Variants in BCAS3 observed in about 807,000 individuals in gnomAD.
BCAS3 encodes BCAS3 microtubule associated cell migration factor.
A neutral mutation model predicts 116.1 loss-of-function variants in BCAS3; 53 were observed. That is an observed-to-expected ratio of 0.46 (90% confidence interval 0.37 to 0.57). The LOEUF (loss-of-function observed/expected upper bound fraction) is 0.57, where lower values mean the gene tolerates loss of function less well. Ranked by LOEUF, BCAS3 falls within the 20% of genes least tolerant of loss-of-function variation. The pLI is 0.00. For synonymous variants in BCAS3, 391 were observed against 408.2 expected, an observed-to-expected ratio of 0.96 and a Z score of 0.51; for missense variants, 917 against 1,165.4, an observed-to-expected ratio of 0.79 and a Z score of 3.10.
chr17:61,222,743 C>CTGCG lies in BCAS3; in HGVS notation c.2425+138180_2425+138183dup, dbSNP rs2082176412. ...TTGGTCAAGGTGGGCCATGGCCACT[C>CTGCG]TGCGACTCCAGGTCGATTCGTCTGC... On this transcript the variant is annotated intron_variant, in intron 22 of 23. Transcript: ENST00000407086. This position sits in a 1 kb window ranked among gnomAD's most constrained non-coding sequence, Gnocchi z 6.1. Among the ~76,000 whole-genome samples the CTGCG allele has an allele frequency of 6.6e-6, 1 of 152,164 alleles. No homozygotes were observed. The highest frequency in any genetic ancestry group is 1.5e-5 in the Non-Finnish European group (1 of 68,036).
chr17:61,210,042 T>G (rs2081364608), intron 22 of BCAS3, among the ~76,000 whole-genome samples: 2 of 152,206 alleles, frequency 1.3e-5, no homozygotes, highest in South Asian at 4.1e-4. Context: ...TGTGGTCCAG[T>G]CTTCAGCCCA....
chr17:61,135,176 T>C (rs1298643120), intron 22 of BCAS3, among the ~76,000 whole-genome samples: 1 of 152,198 alleles, frequency 6.6e-6, no homozygotes, highest in Non-Finnish European at 1.5e-5. Context: ...TGATTATAAA[T>C]GGTACAGACT....
chr17:61,094,858 C>T (rs1389475308), intron 22 of BCAS3, among the ~76,000 whole-genome samples: 1 of 152,016 alleles, frequency 6.6e-6, no homozygotes, highest in African/African-American at 2.4e-5. Context: ...AAAAAAATTT[C>T]TCATTAAATA....
intron 22 of BCAS3, among the ~76,000 whole-genome samples, chr17:61,182,226 A>G (rs946526730): frequency 6.6e-6 from 1 of 152,204 alleles, no homozygotes; most frequent in African/African-American, 2.4e-5. Context: ...CAGATATTCT[A>G]AATTTTGTGA....
chr17:61,243,926 T>A lies in BCAS3; in HGVS notation c.2426-124401T>A, dbSNP rs2047725757. On this transcript the variant is annotated intron_variant, in intron 22 of 23. Coordinates refer to ENST00000407086, the MANE Select transcript of BCAS3 (RefSeq NM_017679.5). This position sits in a 1 kb window ranked among gnomAD's most constrained non-coding sequence, Gnocchi z 5.6. The stretch of plus-strand genomic sequence containing the variant: ...TGGGCCTCCCAAGTAGCTGGGAATA[T>A]CAGTGTGCACTACCACAACCTGCTA... 6.6e-6 allele frequency among the ~76,000 whole-genome samples: 1 copy of A among 152,012 alleles called. No homozygotes were observed. The highest frequency in any genetic ancestry group is 2.1e-4 in the South Asian group (1 of 4,810).
intron 6 of BCAS3, among the ~76,000 whole-genome samples, chr17:60,762,424 C>T (rs112557822): frequency 0.27 from 41,691 of 152,032 alleles, 11,426 homozygotes; most frequent in African/African-American, 0.71. Context: ...ATATGGCTAG[C>T]CAGTTTTCCC....
intron 17 of BCAS3, among the ~76,000 whole-genome samples, chr17:61,036,539 C>G (rs940736562): frequency 1.3e-5 from 2 of 152,112 alleles, no homozygotes; most frequent in Non-Finnish European, 2.9e-5. Context: ...AAATGCTTCT[C>G]CCTTCTGTTC....
At chr17:61,042,891 C>CAAAAAAAAAAAAAAAAA (rs35629825) in intron 19 of BCAS3, among the ~76,000 whole-genome samples, 22 of 58,288 alleles carry the variant, frequency 3.8e-4, no homozygotes, top group African/African-American at 1.0e-3. Context: ...CTCCATCTCA[C>CAAAAAAAAAAAAAAAAA]AAAAAAAAAA....
intron 12 of BCAS3, among the ~76,000 whole-genome samples, chr17:60,911,348 G>C (rs1032046398): frequency 6.6e-6 from 1 of 151,956 alleles, no homozygotes; most frequent in African/African-American, 2.4e-5. Flanking sequence ...GCCCAAGCTA[G>C]AGTGCAGTGG....
intron 22 of BCAS3, among the ~76,000 whole-genome samples, chr17:61,225,364 G>T (rs1367992028): frequency 3.9e-5 from 6 of 152,096 alleles, no homozygotes; most frequent in Non-Finnish European, 5.9e-5. Flanking sequence ...TTTCACACTT[G>T]TGTTGGTTTT....
At chr17:61,135,129 A>G (rs1277052470) in intron 22 of BCAS3, among the ~76,000 whole-genome samples, 1 of 152,212 alleles carries the variant, frequency 6.6e-6, no homozygotes, top group Non-Finnish European at 1.5e-5. Context: ...TTATAATGAC[A>G]TGATAAGGCC....
At chr17:60,794,607 C>T (rs1395375797) in intron 6 of BCAS3, among the ~76,000 whole-genome samples, 3 of 152,192 alleles carry the variant, frequency 2.0e-5, no homozygotes, top group Non-Finnish European at 4.4e-5. Context: ...GATCCAGTTT[C>T]ATTCTCCTAC....
In BCAS3 at chr17:61,323,397, G is replaced by A. The variant is rs116230756; in HGVS notation, c.2426-44930G>A. 2.6e-4 allele frequency among the ~76,000 whole-genome samples: 39 copies of A among 152,282 alleles called. No individual in the cohort carries two copies. Among genetic ancestry groups the A allele is most frequent in the African/African-American group, 8.9e-4 (37 of 41,536 alleles). On this transcript the variant is annotated intron_variant, in intron 22 of 23. Transcript: ENST00000407086. This position sits in a 1 kb window ranked among gnomAD's most constrained non-coding sequence, Gnocchi z 4.6. Reference sequence around the variant, plus strand: ...GTTAGCATAAGGGAGTTCCAGCCCCGGGTTCTAGTCTCAGCTTTGACCCTC... The same window carrying A: ...GTTAGCATAAGGGAGTTCCAGCCCCAGGTTCTAGTCTCAGCTTTGACCCTC...
intron 8 of BCAS3, 104 bp from the exon 9 acceptor site, chr17:60,874,558 A>G (rs1896613731): frequency 1.0e-5 from 7 of 686,310 alleles, no homozygotes; most frequent in Non-Finnish European, 1.7e-5. Flanking sequence ...TTGTATTAGT[A>G]GGCACTTGTT....
At chr17:60,784,435 A>G (rs1371572081) in intron 6 of BCAS3, among the ~76,000 whole-genome samples, 2 of 150,366 alleles carry the variant, frequency 1.3e-5, no homozygotes, top group Non-Finnish European at 2.9e-5. Flanking sequence ...AGTAGCTGGG[A>G]CTACAGGTGC....
intron 14 of BCAS3, among the ~76,000 whole-genome samples, chr17:60,959,065 G>A (rs1443725177): frequency 6.6e-6 from 1 of 152,158 alleles, no homozygotes; most frequent in Non-Finnish European, 1.5e-5. Flanking sequence ...AGTACTTTGG[G>A]AGGCTAAGGT....
intron 5 of BCAS3, among the ~76,000 whole-genome samples, chr17:60,727,676 A>G (rs1455251872): frequency 6.6e-6 from 1 of 151,838 alleles, no homozygotes; most frequent in Non-Finnish European, 1.5e-5. Context: ...ATCGTGCACA[A>G]CCTCCCCAAC....
intron 22 of BCAS3, among the ~76,000 whole-genome samples, chr17:61,351,626 G>A (rs8067637): frequency 0.045 from 6,849 of 152,274 alleles, 344 homozygotes; most frequent in African/African-American, 0.1. Flanking sequence ...GAGCTAGATC[G>A]AGCACAAGTT....
chr17:60,868,785 A>AAAAT, intron 8 of BCAS3, 102 bp downstream of exon 8: 1 of 622,802 alleles, frequency 1.6e-6, no homozygotes, highest in Non-Finnish European at 2.6e-6. Flanking sequence ...TTTATTTTTA[A>AAAAT]AAATCTCAAG....
Sources: allele counts gnomAD v4.1 joint callset (sites outside exome capture counted in the v4.1 genomes callset), GRCh38; gene constraint gnomAD v4.1.1; non-coding constraint Gnocchi (gnomAD v3.1); transcripts MANE v1.5; gene names NCBI Gene and HGNC (gene_info 2026-07-23, HGNC 2026-07-21).